Variants in CCDC171 observed in about 807,000 individuals in gnomAD.
CCDC171 encodes the protein coiled-coil domain containing 171, also known as coiled-coil domain-containing protein 171.
Under a neutral mutation model 168.2 loss-of-function variants are expected in CCDC171, and 177 were observed. The observed-to-expected ratio is 1.05, with a 90% CI of 0.93 to 1.19. The LOEUF (loss-of-function observed/expected upper bound fraction) is 1.19, where lower values mean the gene tolerates loss of function less well. Among genes scored for constraint, CCDC171 ranks in the 50% most tolerant of loss-of-function variants. The probability of loss-of-function intolerance (pLI) is 0.00; values close to 1 mark genes in which losing one functional copy is unlikely to be tolerated. For missense variants in CCDC171, 1,991 were observed against 1,539.0 expected, an observed-to-expected ratio of 1.29 and a Z score of -4.91; for synonymous variants, 687 against 540.8, an observed-to-expected ratio of 1.27 and a Z score of -3.75.
chr9:15,730,235 T>C (rs918848399), intron 16 of CCDC171, among the ~76,000 whole-genome samples: 4 of 151,926 alleles, frequency 2.6e-5, no homozygotes, highest in African/African-American at 7.2e-5. Flanking sequence ...CTATGCCTGC[T>C]GATATTATAT....
At chr9:15,703,905 C>A (rs2133920348) in intron 11 of CCDC171, among the ~76,000 whole-genome samples, 1 of 152,198 alleles carries the variant, frequency 6.6e-6, no homozygotes, top group African/African-American at 2.4e-5. Context: ...AAAACAATTA[C>A]AATAATAACA....
At chr9:16,106,719 A>G in the CCDC171 span, among the ~76,000 whole-genome samples, 3 of 152,154 alleles carry the variant, frequency 2.0e-5, no homozygotes, top group Non-Finnish European at 4.4e-5. Context: ...GACATGGCTT[A>G]TCATTTGTAT....
intron 7 of CCDC171, among the ~76,000 whole-genome samples, chr9:15,627,714 T>C (rs1030904681): frequency 1.3e-5 from 2 of 152,226 alleles, no homozygotes; most frequent in African/African-American, 4.8e-5. Flanking sequence ...CTTTTATATT[T>C]GCTGAGGAGT....
intron 3 of CCDC171, among the ~76,000 whole-genome samples, chr9:16,001,554 A>G (rs1832545505): frequency 6.6e-6 from 1 of 152,124 alleles, no homozygotes; most frequent in African/African-American, 2.4e-5. Context: ...TTGCTATTCC[A>G]GTCATGCACT....
chr9:15,783,484 G>C (rs976627104), intron 20 of CCDC171, among the ~76,000 whole-genome samples: 3 of 152,016 alleles, frequency 2.0e-5, no homozygotes, highest in Admixed American at 2.0e-4. Flanking sequence ...TTTTACAATG[G>C]GAAAGTTAGA....
In CCDC171 at chr9:15,613,703, T is replaced by G. The variant is rs1459620201; in HGVS notation, c.676-9564T>G. 4.6e-5 allele frequency among the ~76,000 whole-genome samples: 7 copies of G among 152,212 alleles called. No homozygotes were observed. The East Asian group carries it at 9.7e-4, about 21-fold the overall frequency. On this transcript the variant is annotated intron_variant, in intron 6 of 25. Transcript: ENST00000380701. The stretch of plus-strand genomic sequence containing the variant: ...ATGCCCGGCTAATTTTTTTGTATTT[T>G]TAGTAGAGACAGGGTTTCACCATGT...
At chr9:15,604,229 C>T (rs573000782) in intron 6 of CCDC171, among the ~76,000 whole-genome samples, 5 of 152,054 alleles carry the variant, frequency 3.3e-5, no homozygotes, top group African/African-American at 1.2e-4. Flanking sequence ...GTTTATTTTG[C>T]TGTGCAGAAG....
In CCDC171 at chr9:15,706,216, TCTTCCTTC is replaced by T. The variant is rs148383501; in HGVS notation, c.1318+10899_1318+10906del. On this transcript the variant is annotated intron_variant, in intron 11 of 25. Transcript: ENST00000380701. The stretch of plus-strand genomic sequence containing the variant: ...CTTTTTCTGCTTTGAACCCATGTAG[TCTTCCTTC>T]CTTCCTTCCTTCCTTCCTTGCTTCC... Among the ~76,000 whole-genome samples the T allele has an allele frequency of 6.4e-3, 957 of 149,430 alleles. 13 individuals are homozygous for T. The highest frequency in any genetic ancestry group is 0.023 in the African/African-American group (921 of 40,772).
chr9:15,554,674 T>G (rs2038641327), intron 1 of CCDC171, among the ~76,000 whole-genome samples: 1 of 152,126 alleles, frequency 6.6e-6, no homozygotes, highest in South Asian at 2.1e-4. Context: ...AAACTTCCCC[T>G]TTAAAGGTTG....
chr9:15,630,659 C>T (rs1345348523), intron 7 of CCDC171, among the ~76,000 whole-genome samples: 1 of 152,188 alleles, frequency 6.6e-6, no homozygotes, highest in Non-Finnish European at 1.5e-5. Context: ...TTGAACTCAG[C>T]TCTGCACCAA....
chr9:15,949,760 A>G (rs1410282756), intron 25 of CCDC171, among the ~76,000 whole-genome samples: 1 of 152,116 alleles, frequency 6.6e-6, no homozygotes, highest in Non-Finnish European at 1.5e-5. Flanking sequence ...AACAGGGACA[A>G]TTTGACTTCC....
In CCDC171 at chr9:15,816,388, A is replaced by C. The variant is rs933708171; in HGVS notation, c.3268-30314A>C. 2.5e-5 allele frequency among the ~76,000 whole-genome samples: 3 copies of C among 119,030 alleles called. 1 individual carries two copies. The South Asian group carries it at 8.1e-4, about 32-fold the overall frequency. 78.1% of individuals were successfully genotyped at this position (119,030 alleles called of 152,430 possible). The stretch of plus-strand genomic sequence containing the variant: ...ATAACTTGTATATAATCTCATTATC[A>C]CTCACATATAAACATTATTAATATT... On this transcript the variant is annotated intron_variant, in intron 21 of 25. Transcript: ENST00000380701.
At chr9:15,681,691 G>A (rs557454556) in intron 10 of CCDC171, among the ~76,000 whole-genome samples, 28 of 151,812 alleles carry the variant, frequency 1.8e-4, no homozygotes, top group African/African-American at 6.3e-4. Context: ...GGGAAAGAAG[G>A]CTTGCAAAGT....
At chr9:15,558,860 G>A (rs895474073) in intron 1 of CCDC171, among the ~76,000 whole-genome samples, 3 of 152,044 alleles carry the variant, frequency 2.0e-5, no homozygotes, top group African/African-American at 7.2e-5. Flanking sequence ...GCTTTCTCTT[G>A]TGGGCATTTA....
chr9:15,592,223 G>A (rs560302780), intron 5 of CCDC171, among the ~76,000 whole-genome samples: 6 of 152,016 alleles, frequency 3.9e-5, no homozygotes, highest in Non-Finnish European at 7.4e-5. Flanking sequence ...CAGCTAGTAG[G>A]GAGGTTGAGG....
chr9:15,668,017 A>T (rs1247059458), intron 9 of CCDC171, among the ~76,000 whole-genome samples: 1 of 152,218 alleles, frequency 6.6e-6, no homozygotes. Flanking sequence ...TCTGCATATA[A>T]ATCTATTTGA....
chr9:15,901,521 TAAA>T, intron 24 of CCDC171, among the ~76,000 whole-genome samples: 1 of 152,210 alleles, frequency 6.6e-6, no homozygotes, highest in Non-Finnish European at 1.5e-5. Flanking sequence ...ATAGTCTATT[TAAA>T]AAGTAAATAT....
At position 15,576,068 on chromosome 9, in the gene CCDC171, G is replaced by A. The variant is rs566153865; in HGVS notation, c.178-2781G>A. ...GATCATGCCACTGTACTCCAGCTTC[G>A]GCAACAGAGCGAGACTCTGTCTCAA... On this transcript the variant is annotated intron_variant, in intron 3 of 25. Coordinates refer to ENST00000380701, the MANE Select transcript of CCDC171 (RefSeq NM_173550.4). 7.4e-5 allele frequency among the ~76,000 whole-genome samples: 11 copies of A among 149,602 alleles called. No homozygotes were observed. In the East Asian group the frequency reaches 2.0e-3, roughly 27 times the overall value.
At chr9:16,078,777 C>T in the CCDC171 span, among the ~76,000 whole-genome samples, 15 of 152,086 alleles carry the variant, frequency 9.9e-5, no homozygotes, top group Admixed American at 3.9e-4. Flanking sequence ...TGCCCTTGGC[C>T]TCTGTAACTG....
Sources: gnomAD v4.1 joint callset for allele counts (sites outside exome capture counted in the v4.1 genomes callset) on GRCh38, gnomAD v4.1.1 for gene constraint, MANE v1.5 for transcripts, NCBI Gene and HGNC (gene_info 2026-07-23, HGNC 2026-07-21) for gene names.